Variants in BACH2 observed in about 807,000 individuals in gnomAD.
BACH2 encodes transcription regulator protein BACH2.
A neutral mutation model predicts 61.8 loss-of-function variants in BACH2; 5 were observed. The observed-to-expected ratio is 0.08, with a 90% CI of 0.04 to 0.17. The LOEUF (loss-of-function observed/expected upper bound fraction) is 0.17. Ranked by LOEUF, BACH2 falls within the 10% of genes least tolerant of loss-of-function variation. BACH2 has a pLI of 1.00. For synonymous variants in BACH2, 446 were observed against 440.1 expected, an observed-to-expected ratio of 1.01 and a Z score of -0.17; for missense variants, 824 against 1,091.1, an observed-to-expected ratio of 0.76 and a Z score of 3.45.
At chr6:90,152,823 G>A (rs1428506147) in intron 4 of BACH2, among the ~76,000 whole-genome samples, 1 of 152,098 alleles carries the variant, frequency 6.6e-6, no homozygotes, top group Non-Finnish European at 1.5e-5. Context: ...TGATACTTGG[G>A]GGTTATGTTT....
intron 6 of BACH2, among the ~76,000 whole-genome samples, chr6:89,968,903 T>G (rs187335255): frequency 6.6e-6 from 1 of 151,966 alleles, no homozygotes; most frequent in African/African-American, 2.4e-5. Context: ...CCCAGCTACT[T>G]GGGGGGCTGA....
At chr6:90,091,738 G>A (rs1371664422) in intron 4 of BACH2, among the ~76,000 whole-genome samples, 1 of 151,974 alleles carries the variant, frequency 6.6e-6, no homozygotes, top group East Asian at 1.9e-4. Context: ...GAGGAGTGGG[G>A]GGTGCAAAAA....
intron 3 of BACH2, among the ~76,000 whole-genome samples, chr6:90,230,016 G>GGA (rs2091626818): frequency 6.6e-6 from 1 of 152,238 alleles, no homozygotes; most frequent in African/African-American, 2.4e-5. Flanking sequence ...CCTGGGTCTG[G>GGA]GACGCAATCC....
intron 6 of BACH2, among the ~76,000 whole-genome samples, chr6:89,956,840 G>A (rs1327306448): frequency 6.6e-6 from 1 of 152,136 alleles, no homozygotes; most frequent in African/African-American, 2.4e-5. Flanking sequence ...GTTGGTTTTG[G>A]CAGTATATAC....
intron 4 of BACH2, among the ~76,000 whole-genome samples, chr6:90,204,597 G>A (rs1448325998): frequency 6.6e-6 from 1 of 152,210 alleles, no homozygotes; most frequent in Non-Finnish European, 1.5e-5. Flanking sequence ...GTTCCCAGCT[G>A]TGTGTGGAGA....
chr6:90,055,910 C>G (rs1195087928), intron 5 of BACH2, among the ~76,000 whole-genome samples: 2 of 152,078 alleles, frequency 1.3e-5, no homozygotes, highest in Non-Finnish European at 2.9e-5. Flanking sequence ...ACTTTACAGA[C>G]AAGCAAATGC....
At chr6:90,173,965 G>C (rs1767904844) in intron 4 of BACH2, among the ~76,000 whole-genome samples, 1 of 152,128 alleles carries the variant, frequency 6.6e-6, no homozygotes, top group Admixed American at 6.5e-5. Flanking sequence ...CAGAAATCTG[G>C]TGTAGCTAAA....
At chr6:90,113,683 A>G (rs1278558547) in intron 4 of BACH2, among the ~76,000 whole-genome samples, 3 of 152,184 alleles carry the variant, frequency 2.0e-5, no homozygotes, top group African/African-American at 7.2e-5. Context: ...AACAAAAATC[A>G]GAGCTGAACT....
intron 4 of BACH2, among the ~76,000 whole-genome samples, chr6:90,203,033 A>G (rs538602524): frequency 2.0e-5 from 3 of 152,346 alleles, no homozygotes; most frequent in Admixed American, 6.5e-5. Flanking sequence ...CTTACTGGCA[A>G]ATATACTATA....
chr6:90,135,206 AT>A (rs1316318440), intron 4 of BACH2, among the ~76,000 whole-genome samples: 1 of 152,152 alleles, frequency 6.6e-6, no homozygotes, highest in African/African-American at 2.4e-5. Context: ...TGTTGCTACC[AT>A]TGTCCTCCCT....
chr6:90,081,646 T>G (rs1320775875), intron 5 of BACH2, among the ~76,000 whole-genome samples: 2 of 152,124 alleles, frequency 1.3e-5, no homozygotes, highest in Non-Finnish European at 2.9e-5. Context: ...TTAAGAATCC[T>G]TTACACGGGA....
At chr6:90,062,073 G>A (rs1780714025) in intron 5 of BACH2, among the ~76,000 whole-genome samples, 1 of 152,168 alleles carries the variant, frequency 6.6e-6, no homozygotes, top group African/African-American at 2.4e-5. Context: ...TACAAAGGGA[G>A]AAACTGATCA....
chr6:90,228,920 A>T (rs1770002541), intron 3 of BACH2, among the ~76,000 whole-genome samples: 1 of 152,210 alleles, frequency 6.6e-6, no homozygotes, highest in African/African-American at 2.4e-5. Context: ...AGTGAGGTAC[A>T]ATTCCAAGTC....
intron 1 of BACH2, among the ~76,000 whole-genome samples, chr6:90,277,741 G>T (rs1419770330): frequency 6.6e-6 from 1 of 152,206 alleles, no homozygotes; most frequent in Non-Finnish European, 1.5e-5. Context: ...AGAAGCTTAA[G>T]AGCTAGGTTC....
chr6:89,948,951 C>G (rs1047188256), intron 7 of BACH2, among the ~76,000 whole-genome samples: 1 of 152,184 alleles, frequency 6.6e-6, no homozygotes, highest in Admixed American at 6.5e-5. Context: ...GGGCAGAAAC[C>G]AGGCTAGCAA....
chr6:90,098,023 T>C (rs551615828), intron 4 of BACH2, among the ~76,000 whole-genome samples: 13 of 152,320 alleles, frequency 8.5e-5, no homozygotes, highest in Non-Finnish European at 1.5e-4. Context: ...ACTAGCTGTA[T>C]CCGCTTACAA....
In BACH2 at chr6:90,180,082, G is replaced by T. The variant is rs186577413; in HGVS notation, c.-162+26487C>A. Among the ~76,000 whole-genome samples the T allele has an allele frequency of 3.0e-3, 460 of 152,054 alleles. 2 individuals carry two copies. Among genetic ancestry groups the T allele is most frequent in the Non-Finnish European group, 4.7e-3 (317 of 67,960 alleles). On this transcript the variant is annotated intron_variant, in intron 4 of 8. Coordinates refer to ENST00000257749, the MANE Select transcript of BACH2 (RefSeq NM_021813.4). ...AACATAAAAAAAGAATGTTTAACAG[G>T]GAATTCTAAAAGTCTTAGTGCATTT...
At chr6:89,996,403 C>A (rs945298142) in intron 6 of BACH2, among the ~76,000 whole-genome samples, 1 of 152,174 alleles carries the variant, frequency 6.6e-6, no homozygotes, top group Non-Finnish European at 1.5e-5. Flanking sequence ...TTTATTATGT[C>A]ACTTCTTGGT....
intron 6 of BACH2, among the ~76,000 whole-genome samples, chr6:89,971,802 C>A (rs1049395679): frequency 6.6e-6 from 1 of 152,122 alleles, no homozygotes; most frequent in Non-Finnish European, 1.5e-5. Context: ...TTATTCACTA[C>A]CAGGAGAACA....
Sources: allele counts gnomAD v4.1 joint callset (sites outside exome capture counted in the v4.1 genomes callset), GRCh38; gene constraint gnomAD v4.1.1; transcripts MANE v1.5; gene names NCBI Gene and HGNC (gene_info 2026-07-23, HGNC 2026-07-21).